UCHL3: variants seen among roughly 807,000 people sequenced by gnomAD.
UCHL3 encodes ubiquitin C-terminal hydrolase L3.
UCHL3 carries 22 observed loss-of-function variants against 35.8 expected under a neutral mutation model. That is an observed-to-expected ratio of 0.61 (90% CI 0.44 to 0.88). The LOEUF (loss-of-function observed/expected upper bound fraction) is 0.88, where lower values mean the gene tolerates loss of function less well. Among genes scored for constraint, UCHL3 ranks in the 40% least tolerant of loss-of-function variants. The probability of loss-of-function intolerance (pLI) is 0.00; values close to 1 mark genes in which losing one functional copy is unlikely to be tolerated. For missense variants in UCHL3, 229 were observed against 276.9 expected (o/e 0.83, Z 1.23); for synonymous variants, 90 against 92.8 (o/e 0.97, Z 0.17).
At chr13:75,605,205 T>C (rs1170184105) in intron 8 of UCHL3, among the ~76,000 whole-genome samples, 1 of 152,176 alleles carries the variant, frequency 6.6e-6, no homozygotes, top group Non-Finnish European at 1.5e-5. Flanking sequence ...AGTTTCTTAA[T>C]AGCATTTTAA....
intron 6 of UCHL3, among the ~76,000 whole-genome samples, chr13:75,588,949 T>A (rs2138554092): frequency 6.6e-6 from 1 of 152,344 alleles, no homozygotes; most frequent in South Asian, 2.1e-4. Context: ...CATACCCTTG[T>A]ATACTTTGTA....
At chr13:75,561,310 G>A (rs1040683280) in intron 3 of UCHL3, among the ~76,000 whole-genome samples, 5 of 151,978 alleles carry the variant, frequency 3.3e-5, no homozygotes, top group Non-Finnish European at 7.4e-5. Flanking sequence ...TCCCCTTCTT[G>A]CATAAAATTA....
At chr13:75,559,360 G>A (rs897835925) in intron 2 of UCHL3, among the ~76,000 whole-genome samples, 2 of 152,102 alleles carry the variant, frequency 1.3e-5, no homozygotes, top group Non-Finnish European at 2.9e-5. Flanking sequence ...GACTCTTATA[G>A]GGCATGTGAC....
chr13:75,595,088 A>G (rs1593763297), intron 7 of UCHL3, 98 bp downstream of exon 7: 2 of 895,032 alleles, frequency 2.2e-6, no homozygotes, highest in East Asian at 2.9e-5. Context: ...GTGTTTACTT[A>G]AATTAACTGG....
intron 6 of UCHL3, among the ~76,000 whole-genome samples, chr13:75,586,542 A>G (rs2032327664): frequency 6.6e-6 from 1 of 152,068 alleles, no homozygotes; most frequent in Admixed American, 6.6e-5. Context: ...GGAACACTTC[A>G]GAAATTTGGA....
intron 6 of UCHL3, 54 bp from the exon 7 acceptor site, chr13:75,594,861 C>A: frequency 7.6e-7 from 1 of 1,308,700 alleles, no homozygotes; most frequent in Non-Finnish European, 1.1e-6. Context: ...GTATACATGA[C>A]TGATTTGTTT....
chr13:75,550,799 A>G (rs1028908112), intron 2 of UCHL3, among the ~76,000 whole-genome samples: 3 of 146,380 alleles, frequency 2.0e-5, no homozygotes, highest in Non-Finnish European at 4.5e-5. Flanking sequence ...CTTTACCTCC[A>G]CTATCTTCCT....
At position 75,590,234 on chromosome 13, in the gene UCHL3, C is replaced by A. The variant is rs1226730435; in HGVS notation, c.475-4681C>A. ...CAGAGTGCTTTTCTCTTGGTTCACTCAACCATTAGCTTTTTCTCCCCCAAT... is the reference window on the plus strand; with the variant it reads ...CAGAGTGCTTTTCTCTTGGTTCACTAAACCATTAGCTTTTTCTCCCCCAAT... On this transcript the variant is annotated intron_variant, in intron 6 of 8. Coordinates refer to ENST00000377595, the MANE Select transcript of UCHL3 (RefSeq NM_006002.5). 7 of 1,190,358 alleles carry A rather than the reference C, an allele frequency of 5.9e-6. No individual in the cohort carries two copies. The East Asian group carries it at 2.3e-4, about 39-fold the overall frequency. The allele number at this position is 1,190,358 out of a possible 1,614,324, so 73.7% of individuals were successfully genotyped here. A position where few individuals can be genotyped will look rare whatever the true frequency, so the allele number is the denominator to read the frequency against.
chr13:75,605,675 T>G (rs35132045), intron 8 of UCHL3, 54 bp from the exon 9 acceptor site: 210,672 of 1,516,154 alleles, frequency 0.14, 16,251 homozygotes, highest in Non-Finnish European at 0.16. Flanking sequence ...GTTTATCATT[T>G]GTAAGTAAAA....
At chr13:75,598,357 A>G (rs2032696929) in intron 7 of UCHL3, among the ~76,000 whole-genome samples, 1 of 152,218 alleles carries the variant, frequency 6.6e-6, no homozygotes, top group Admixed American at 6.5e-5. Context: ...ATGAATATCA[A>G]AATCAGGAAA....
At chr13:75,557,637 A>G (rs944059952) in intron 2 of UCHL3, among the ~76,000 whole-genome samples, 1 of 152,140 alleles carries the variant, frequency 6.6e-6, no homozygotes, top group African/African-American at 2.4e-5. Context: ...AAATGCATGT[A>G]TAGATAATTA....
At chr13:75,579,496 T>G (rs777128254) in intron 6 of UCHL3, among the ~76,000 whole-genome samples, 1 of 152,018 alleles carries the variant, frequency 6.6e-6, no homozygotes, top group Non-Finnish European at 1.5e-5. Context: ...CTTCTGAACA[T>G]TGCTTGAATA....
At chr13:75,561,548 A>G (rs959627665) in intron 3 of UCHL3, among the ~76,000 whole-genome samples, 7 of 151,728 alleles carry the variant, frequency 4.6e-5, no homozygotes, top group African/African-American at 1.7e-4. Context: ...TTCAATATAT[A>G]TATATATAAG....
chr13:75,562,429 A>C (rs1593723601), intron 3 of UCHL3, among the ~76,000 whole-genome samples: 1 of 152,244 alleles, frequency 6.6e-6, no homozygotes, highest in Non-Finnish European at 1.5e-5. Context: ...CAAAAACTTA[A>C]GTTTACTCTC....
At chr13:75,593,732 C>T (rs75348506) in intron 6 of UCHL3, among the ~76,000 whole-genome samples, 3,689 of 152,226 alleles carry the variant, frequency 0.024, 67 homozygotes, top group Non-Finnish European at 0.04. Context: ...GGGAAATAAC[C>T]TCTGAAGAAT....
At chr13:75,575,261 A>G (rs2031984153) in intron 6 of UCHL3, among the ~76,000 whole-genome samples, 1 of 152,232 alleles carries the variant, frequency 6.6e-6, no homozygotes, top group African/African-American at 2.4e-5. Context: ...TGTCTGGTAG[A>G]TCAGCTAATA....
intron 8 of UCHL3, among the ~76,000 whole-genome samples, chr13:75,605,482 T>G (rs1471555149): frequency 6.6e-6 from 1 of 152,156 alleles, no homozygotes; most frequent in African/African-American, 2.4e-5. Context: ...CACTCCAGCC[T>G]GGGTGACAGA....
chr13:75,549,899 G>A (rs1384028642), intron 1 of UCHL3, 37 bp downstream of exon 1: 1 of 1,613,874 alleles, frequency 6.2e-7, no homozygotes, highest in African/African-American at 1.3e-5. Context: ...GCCGTGGGCA[G>A]GTGCAGAGGG....
At chr13:75,575,763 G>A (rs2032000708) in intron 6 of UCHL3, among the ~76,000 whole-genome samples, 1 of 151,876 alleles carries the variant, frequency 6.6e-6, no homozygotes, top group Non-Finnish European at 1.5e-5. Context: ...TTTCTTTTTT[G>A]TTTTTTGAGA....
Sources: allele counts gnomAD v4.1 joint callset (sites outside exome capture counted in the v4.1 genomes callset), GRCh38; gene constraint gnomAD v4.1.1; transcripts MANE v1.5; gene names NCBI Gene and HGNC (gene_info 2026-07-23, HGNC 2026-07-21).